COL10A1: variants seen among roughly 807,000 people sequenced by gnomAD.
The protein encoded by COL10A1 is collagen alpha-1(X) chain.
A neutral mutation model predicts 18.2 loss-of-function variants in COL10A1; 10 were observed. That is an observed-to-expected ratio of 0.55 (90% CI 0.34 to 0.93). The LOEUF is 0.93. Among genes scored for constraint, COL10A1 ranks in the 40% least tolerant of loss-of-function variants. The probability of loss-of-function intolerance (pLI) is 0.02; values close to 1 mark genes in which losing one functional copy is unlikely to be tolerated. For synonymous variants in COL10A1, 330 were observed against 316.6 expected (o/e 1.04, Z -0.45); for missense variants, 897 against 853.5 (o/e 1.05, Z -0.64).
At chr6:116,210,040 G>GTGGCTAC in the COL10A1 span, among the ~76,000 whole-genome samples, 11 of 151,928 alleles carry the variant, frequency 7.2e-5, no homozygotes, top group Non-Finnish European at 1.5e-4. Context: ...AAAATATGTG[G>GTGGCTAC]TGGCTACTTA....
chr6:116,167,282 A>G, the COL10A1 span, among the ~76,000 whole-genome samples: 1 of 136,442 alleles, frequency 7.3e-6, no homozygotes, highest in Non-Finnish European at 1.5e-5. Flanking sequence ...GCACAATCTC[A>G]GCTCACTGCA....
At chr6:116,172,163 T>A in the COL10A1 span, among the ~76,000 whole-genome samples, 10 of 152,326 alleles carry the variant, frequency 6.6e-5, no homozygotes, top group African/African-American at 2.4e-4. Context: ...TCCTAAGTGA[T>A]ACAATCTCAT....
the COL10A1 span, among the ~76,000 whole-genome samples, chr6:116,193,446 A>G: frequency 3.9e-5 from 6 of 152,104 alleles, no homozygotes; most frequent in African/African-American, 1.4e-4. Context: ...GGAACTTGCA[A>G]CTTGCTTGCT....
At chr6:116,163,517 T>A (rs1780393504), upstream of COL10A1, among the ~76,000 whole-genome samples, 1 of 152,132 alleles carries the variant, frequency 6.6e-6, no homozygotes, top group Non-Finnish European at 1.5e-5. Context: ...CTTTTTTTCT[T>A]GTTTAATCTA....
At chr6:116,206,438 A>G in the COL10A1 span, among the ~76,000 whole-genome samples, 1 of 151,996 alleles carries the variant, frequency 6.6e-6, no homozygotes, top group South Asian at 2.1e-4. Flanking sequence ...AGGAAATTGC[A>G]CAACTAAGAC....
rs150440478 is a variant in COL10A1, at chr6:116,120,122, G to C, written c.1994C>G (p.Ser665Cys). Reference protein sequence around the residue: ...PNAESNGLYSSEYVHSSFSGF... With the variant: ...PNAESNGLYSCEYVHSSFSGF... ...TGAGAAAGAGGAGTGGACATACTCA[G>C]AGGAGTATAGGCCATTTGACTCGGC... is the stretch of plus-strand genomic sequence containing the variant. The change falls in exon 3 of 3, where the codon TCT becomes TGT. Residue 665 changes from serine to cysteine, a missense_variant. Physicochemically the swap from Ser to Cys is moderately radical, Grantham distance 112 (BLOSUM62 -1). Coordinates refer to ENST00000651968, the MANE Select transcript of COL10A1 (RefSeq NM_000493.4). 4 of 1,614,158 alleles carry C rather than the reference G, an allele frequency of 2.5e-6. No homozygotes were observed. The South Asian group carries it at 4.4e-5, about 18-fold the overall frequency.
At chr6:116,199,999 T>TG in the COL10A1 span, among the ~76,000 whole-genome samples, 35 of 115,462 alleles carry the variant, frequency 3.0e-4, no homozygotes, top group Non-Finnish European at 4.6e-4. Flanking sequence ...GTATGGAAAG[T>TG]GGGGGGGGAA....
chr6:116,214,501 G>T, the COL10A1 span, among the ~76,000 whole-genome samples: 2 of 152,002 alleles, frequency 1.3e-5, no homozygotes, highest in African/African-American at 4.8e-5. Flanking sequence ...GTTTTATAGG[G>T]GTATTCTACT....
upstream of COL10A1, among the ~76,000 whole-genome samples, chr6:116,129,239 C>T (rs1207712765): frequency 6.6e-6 from 1 of 151,986 alleles, no homozygotes; most frequent in African/African-American, 2.4e-5. Context: ...CATATGTATA[C>T]ACATGTCTAT....
intron 1 of COL10A1, among the ~76,000 whole-genome samples, chr6:116,150,905 T>G (rs1197329097): frequency 6.6e-6 from 1 of 152,202 alleles, no homozygotes; most frequent in Non-Finnish European, 1.5e-5. Context: ...TTACATAGGT[T>G]GATTTTAGGT....
At chr6:116,161,891 T>C (rs559440823), upstream of COL10A1, among the ~76,000 whole-genome samples, 1 of 152,354 alleles carries the variant, frequency 6.6e-6, no homozygotes, top group Admixed American at 6.5e-5. Flanking sequence ...GTTTGTGTCA[T>C]CTACAGTTTC....
the COL10A1 span, among the ~76,000 whole-genome samples, chr6:116,182,250 T>C: frequency 6.6e-6 from 1 of 151,898 alleles, no homozygotes; most frequent in African/African-American, 2.4e-5. Context: ...TGTGTGTGTG[T>C]GTGTATCACA....
At chr6:116,135,759 T>A (rs968928156) in intron 1 of COL10A1, among the ~76,000 whole-genome samples, 21 of 149,394 alleles carry the variant, frequency 1.4e-4, no homozygotes, top group African/African-American at 3.9e-4. Flanking sequence ...GCTTAAAAAA[T>A]TTTTTTTCTG....
intron 1 of COL10A1, among the ~76,000 whole-genome samples, chr6:116,149,183 A>ATTT (rs1779971648): frequency 6.6e-6 from 1 of 152,194 alleles, no homozygotes; most frequent in Admixed American, 6.5e-5. Flanking sequence ...CATTTGGTAC[A>ATTT]GAATTTGAAG....
chr6:116,128,083 C>CAA (rs546837330), upstream of COL10A1, among the ~76,000 whole-genome samples: 1 of 151,988 alleles, frequency 6.6e-6, no homozygotes, highest in South Asian at 2.1e-4. Context: ...ATTAGAGACA[C>CAA]AAAAAAATCC....
intron 1 of COL10A1, among the ~76,000 whole-genome samples, chr6:116,133,401 C>T (rs983156568): frequency 6.6e-6 from 1 of 152,122 alleles, no homozygotes; most frequent in African/African-American, 2.4e-5. Flanking sequence ...TTATTTAGAT[C>T]TCTTTGTTCC....
At chr6:116,216,854 T>G in the COL10A1 span, among the ~76,000 whole-genome samples, 1 of 152,210 alleles carries the variant, frequency 6.6e-6, no homozygotes. Flanking sequence ...GCAAGTACAT[T>G]TAAACAGTTC....
rs761512500 is a variant in COL10A1 at position 116,121,481 on chromosome 6, C to T, written c.635G>A (p.Gly212Glu). The change falls in exon 3 of 3, where the codon GGA becomes GAA. Residue 212 changes from glycine to glutamate, a missense_variant. Transcript: ENST00000651968. ...TCCCACTCCAGGAGGGCCAGATGGTCCTGTGGGACCCTGAGGGCCTGGAAG... is the reference window on the plus strand; with the variant it reads ...TCCCACTCCAGGAGGGCCAGATGGTTCTGTGGGACCCTGAGGGCCTGGAAG... The part of the protein sequence containing the change: ...RGLPGPQGPT[G>E]PSGPPGVGKR... 8.7e-6 allele frequency: 14 copies of T among 1,614,180 alleles called. No homozygotes were observed. The South Asian group carries it at 1.5e-4, about 18-fold the overall frequency.
At chr6:116,166,880 G>A in the COL10A1 span, among the ~76,000 whole-genome samples, 378 of 152,234 alleles carry the variant, frequency 2.5e-3, 2 homozygotes, top group African/African-American at 8.7e-3. Context: ...ACCTTGAAAT[G>A]AGAATAATTT....
Sources: gnomAD v4.1 joint callset for allele counts (sites outside exome capture counted in the v4.1 genomes callset) on GRCh38, gnomAD v4.1.1 for gene constraint, MANE v1.5 for transcripts, NCBI Gene and HGNC (gene_info 2026-07-23, HGNC 2026-07-21) for gene names.